The following PHKA1 variants were observed in gnomAD, a reference collection of about 807,000 sequenced individuals.
PHKA1 encodes the protein phosphorylase kinase regulatory subunit alpha 1, also known as phosphorylase b kinase regulatory subunit alpha, skeletal muscle isoform.
PHKA1 carries 60 observed loss-of-function variants against 110.2 expected under a neutral mutation model. That is an observed-to-expected ratio of 0.54 (90% confidence interval 0.44 to 0.68). PHKA1 has a LOEUF of 0.68. PHKA1 is among the 30% of genes least tolerant of loss of function. The pLI is 0.00. For missense variants in PHKA1, 801 were observed against 942.5 expected, an observed-to-expected ratio of 0.85 and a Z score of 1.97; for synonymous variants, 316 against 333.6, an observed-to-expected ratio of 0.95 and a Z score of 0.58.
rs1556335918 is a variant in PHKA1, at chrX:72,713,839, G to T, written c.42C>A (p.Tyr14Ter). ...RSNSGVRLDG[Y>*]ARLVQQTILC... ...GGATGGTCTGTTGCACCAGTCGAGC[G>T]TAGCCGTCCAGCCGGACCCCGGAGT... The change falls in exon 1 of 32, where the codon TAC (tyrosine) becomes TAA (stop). Residue 14 changes from tyrosine (Y) to a stop codon, truncating the protein, a stop_gained. Transcript: ENST00000373542. LOFTEE classifies it high-confidence loss of function. The T allele has an allele frequency of 8.3e-7, 1 of 1,209,140 alleles. No homozygotes were observed. Among genetic ancestry groups the T allele is most frequent in the Non-Finnish European group, 1.1e-6 (1 of 892,850 alleles).
At chrX:72,687,264 T>C (rs1267533781) in intron 4 of PHKA1, among the ~76,000 whole-genome samples, 2 of 111,627 alleles carry the variant, frequency 1.8e-5, no homozygotes, top group Non-Finnish European at 3.8e-5. Context: ...GGTATATACA[T>C]ATATATACAT....
At chrX:72,669,378 T>G (rs1300756508) in intron 6 of PHKA1, among the ~76,000 whole-genome samples, 25 of 111,018 alleles carry the variant, frequency 2.3e-4, no homozygotes, top group Non-Finnish European at 1.9e-4. Flanking sequence ...TGTTGTTGTT[T>G]TTAATTTTAT....
At chrX:72,644,107 A>T (rs1374170460) in intron 14 of PHKA1, among the ~76,000 whole-genome samples, 2 of 111,433 alleles carry the variant, frequency 1.8e-5, no homozygotes, top group Non-Finnish European at 3.8e-5. Context: ...TTATTTAAGC[A>T]CACACTTGGA....
At chrX:72,684,404 A>G (rs782143447) in intron 5 of PHKA1, 94 bp downstream of exon 5, 1 of 597,558 alleles carries the variant, frequency 1.7e-6, no homozygotes, top group Non-Finnish European at 2.8e-6. Context: ...TTGGTTCACT[A>G]TGAGCAGTAG....
intron 8 of PHKA1, chrX:72,660,767 C>G (rs151141826): frequency 0.01 from 2,593 of 259,094 alleles, 13 homozygotes; most frequent in Non-Finnish European, 0.015. Flanking sequence ...AATAATGGTT[C>G]TTTGTGTTTA....
In PHKA1 at chrX:72,676,120, T is replaced by C. The variant is rs1472019632; in HGVS notation, c.568A>G (p.Thr190Ala). The change falls in exon 6 of 32, where the codon ACC becomes GCC. Residue 190 changes from threonine (T) to alanine (A), a missense_variant. By Grantham distance (58) the Thr-to-Ala change is moderately conservative (BLOSUM62 0). Coordinates refer to ENST00000373542, the MANE Select transcript of PHKA1 (RefSeq NM_002637.4). ...TTCAACTCTGAGATCCCTTGGTTGG[T>C]CTTGTCTCCACGTTCCCATATCCCG... Reference protein sequence around the residue: ...DFGIWERGDKTNQGISELNAS... With the variant: ...DFGIWERGDKANQGISELNAS... 1.7e-6 allele frequency: 2 copies of C among 1,209,823 alleles called. No individual in the cohort carries two copies. The highest frequency in any genetic ancestry group is 2.2e-6 in the Non-Finnish European group (2 of 893,966).
chrX:72,678,263 T>C (rs2053803812), intron 5 of PHKA1, among the ~76,000 whole-genome samples: 1 of 111,445 alleles, frequency 9.0e-6, no homozygotes, highest in African/African-American at 3.3e-5. Context: ...TGTCATTGCT[T>C]CTAGGCCCTC....
Position 72,593,240 on chromosome X carries a change from G to A in PHKA1, c.3107C>T (p.Ser1036Phe). The change falls in exon 29 of 32, where the codon TCC becomes TTC. Residue 1036 changes from serine to phenylalanine, a missense_variant. Ser to Phe is a radical substitution (Grantham distance 155). Around this residue, in one of 2 missense-constraint regions of PHKA1, gnomAD observed 502 missense variants for 519.2 expected, o/e 0.97. Coordinates refer to ENST00000373542, the MANE Select transcript of PHKA1 (RefSeq NM_002637.4). ...PGTSMTPSSG[S>F]FPSAYDQQSS... is the part of the protein sequence containing the mutation. ...CTGCTGATCATATGCACTAGGAAAG[G>A]ACCCACTACTTGGAGTCATAGAGGT... The A allele has an allele frequency of 1.7e-6, 2 of 1,206,096 alleles. No individual in the cohort carries two copies. Among genetic ancestry groups the A allele is most frequent in the South Asian group, 3.5e-5 (2 of 56,841 alleles).
chrX:72,697,520 GA>G (rs1225563742), intron 3 of PHKA1, among the ~76,000 whole-genome samples: 1 of 103,282 alleles, frequency 9.7e-6, no homozygotes, highest in Admixed American at 1.0e-4. Context: ...TTTTCTTTGA[GA>G]AAAAAAAACA....
intron 14 of PHKA1, among the ~76,000 whole-genome samples, chrX:72,642,292 C>T (rs1446465261): frequency 1.8e-5 from 2 of 111,513 alleles, no homozygotes; most frequent in Non-Finnish European, 3.8e-5. Flanking sequence ...TTACCTGTTT[C>T]CCAGTAAGAT....
At chrX:72,597,277 A>G (rs1236760853) in intron 28 of PHKA1, among the ~76,000 whole-genome samples, 3 of 112,302 alleles carry the variant, frequency 2.7e-5, no homozygotes, top group Non-Finnish European at 5.6e-5. Flanking sequence ...CCTAAACTGT[A>G]CAAACGCTAT....
chrX:72,714,178 C>G lies in PHKA1; in HGVS notation c.-298G>C. 1 of 323,769 alleles carries G rather than the reference C, an allele frequency of 3.1e-6. No individual in the cohort carries two copies. The highest frequency in any genetic ancestry group is 4.7e-5 in the Admixed American group (1 of 21,317). 26.7% of individuals were successfully genotyped at this position (323,769 alleles called of 1,213,427 possible). On this transcript the variant is annotated 5_prime_UTR_variant, in exon 1 of 32. Transcript: ENST00000373542. ...CCCCCTTAGTCCAGTCCGGCCTCCGCGTGTGACTCCTGCATCCTCCCCTCA... is the reference window on the plus strand; with the variant it reads ...CCCCCTTAGTCCAGTCCGGCCTCCGGGTGTGACTCCTGCATCCTCCCCTCA...
rs148540646 is a variant in PHKA1, at chrX:72,712,817, G to C, written c.199C>G (p.Arg67Gly). 38 of 1,207,228 alleles carry C rather than the reference G, an allele frequency of 3.1e-5. No individual in the cohort carries two copies. Among genetic ancestry groups the C allele is most frequent in the Non-Finnish European group, 4.1e-5 (37 of 893,522 alleles). The change falls in exon 2 of 32, where the codon CGG becomes GGG. Residue 67 changes from arginine to glycine, a missense_variant. Transcript: ENST00000373542. ...TAGGCCTTTGCCTTATCCTCATCCC[G>C]GTCTGCATTCTTCCGATAGGCCAGG... ...LGLAYRKNAD[R>G]DEDKAKAYEL...
At chrX:72,695,978 C>G in intron 3 of PHKA1, 102 bp from the exon 4 acceptor site, 6 of 674,396 alleles carry the variant, frequency 8.9e-6, no homozygotes, top group Non-Finnish European at 1.5e-5. Context: ...TGTGAAGATA[C>G]ACTATCTTCA....
chrX:72,590,024 C>T (rs1271793214), intron 29 of PHKA1, among the ~76,000 whole-genome samples: 1 of 111,199 alleles, frequency 9.0e-6, no homozygotes, highest in African/African-American at 3.3e-5. Flanking sequence ...GATTCAATGC[C>T]ATCCCCATCA....
In PHKA1 at chrX:72,667,476, G is replaced by A; in HGVS notation, c.619-3C>T. ...TCATCTAATGCTTCCAGGGCTGCCT[G>A]TGAGGAACAAGAAAGAAATGGACAA... On this transcript the variant is annotated splice_region_variant and splice_polypyrimidine_tract_variant and intron_variant, in intron 6 of 31. Coordinates refer to ENST00000373542, the MANE Select transcript of PHKA1 (RefSeq NM_002637.4). 6 of 1,189,313 alleles carry A rather than the reference G, an allele frequency of 5.0e-6. No individual in the cohort carries two copies. The highest frequency in any genetic ancestry group is 6.9e-6 in the Non-Finnish European group (6 of 875,146).
intron 22 of PHKA1, among the ~76,000 whole-genome samples, chrX:72,610,741 T>C (rs1240919822): frequency 9.0e-6 from 1 of 111,723 alleles, no homozygotes; most frequent in African/African-American, 3.3e-5. Flanking sequence ...TTCCCACTAA[T>C]GGTGTATGGA....
At chrX:72,591,467 G>A (rs1165639031) in intron 29 of PHKA1, among the ~76,000 whole-genome samples, 3 of 111,182 alleles carry the variant, frequency 2.7e-5, no homozygotes, top group African/African-American at 6.6e-5. Context: ...TGTAAATGAC[G>A]GGTTGATGGG....
intron 5 of PHKA1, among the ~76,000 whole-genome samples, chrX:72,680,165 C>A (rs1556313577): frequency 9.0e-6 from 1 of 111,109 alleles, no homozygotes; most frequent in Non-Finnish European, 1.9e-5. Context: ...CAGGCACACG[C>A]CACCACGCCC....
Sources: allele counts gnomAD v4.1 joint callset (sites outside exome capture counted in the v4.1 genomes callset), GRCh38; gene constraint gnomAD v4.1.1; regional missense constraint gnomAD v4.1.1; transcripts MANE v1.5; gene names NCBI Gene and HGNC (gene_info 2026-07-23, HGNC 2026-07-21).